Variants in LARGE1 observed in about 807,000 individuals in gnomAD.
The protein encoded by LARGE1 is xylosyl- and glucuronyltransferase LARGE1.
In LARGE1, 43 loss-of-function variants were observed where a neutral mutation model predicts 87.6. The observed-to-expected ratio is 0.49, with a 90% CI of 0.38 to 0.63. The LOEUF (loss-of-function observed/expected upper bound fraction) is 0.63. LARGE1 is among the 30% of genes least tolerant of loss of function. The pLI is 0.00. For missense variants in LARGE1, 802 were observed against 1,000.2 expected (o/e 0.80, Z 2.67); for synonymous variants, 434 against 394.6 (o/e 1.10, Z -1.18).
chr22:33,689,926 CA>C (rs373846525), intron 2 of LARGE1, among the ~76,000 whole-genome samples: 10,991 of 137,900 alleles, frequency 0.08, 520 homozygotes, highest in Middle Eastern at 0.12. Flanking sequence ...GACTCTGTCT[CA>C]AAAAAAAAAA....
intron 6 of LARGE1, among the ~76,000 whole-genome samples, chr22:33,507,367 A>G (rs919431122): frequency 6.6e-6 from 1 of 152,182 alleles, no homozygotes; most frequent in East Asian, 1.9e-4. Flanking sequence ...TGCCCAGGAG[A>G]AGGAAATTCT....
the LARGE1 span, among the ~76,000 whole-genome samples, chr22:33,141,169 ATCTCTCTCTC>A: frequency 6.5e-3 from 936 of 143,974 alleles, 14 homozygotes; most frequent in African/African-American, 0.022. Context: ...TATTCTCAGA[ATCTCTCTCTC>A]TCTCTCTCTC....
intron 2 of LARGE1, among the ~76,000 whole-genome samples, chr22:33,712,218 G>T (rs1231040983): frequency 6.6e-6 from 1 of 150,552 alleles, no homozygotes; most frequent in East Asian, 1.9e-4. Flanking sequence ...GGGGATGGGG[G>T]AAAAAAAAAG....
At chr22:33,731,263 A>G (rs1313183321) in intron 2 of LARGE1, among the ~76,000 whole-genome samples, 1 of 151,978 alleles carries the variant, frequency 6.6e-6, no homozygotes, top group Non-Finnish European at 1.5e-5. Context: ...TCAGCCTCCC[A>G]AAGTGCTCGG....
chr22:33,604,576 A>T lies in LARGE1; in HGVS notation c.492-18T>A. The stretch of plus-strand genomic sequence containing the variant: ...GGTTCCGTCTGTGGGGAGTGTGAGA[A>T]GGAAGGGTCAGGTGGAGAGGTACGG... On this transcript the variant is annotated intron_variant, in intron 4 of 14. Transcript: ENST00000397394. 6.2e-7 allele frequency: 1 copy of T among 1,613,996 alleles called. No individual in the cohort carries two copies. Among genetic ancestry groups the T allele is most frequent in the Non-Finnish European group, 8.5e-7 (1 of 1,179,906 alleles).
At chr22:33,347,235 G>T (rs181149715) in intron 9 of LARGE1, among the ~76,000 whole-genome samples, 2 of 152,332 alleles carry the variant, frequency 1.3e-5, no homozygotes, top group East Asian at 3.9e-4. Flanking sequence ...CTCTATTAGA[G>T]AACTCATTGC....
At chr22:33,153,504 C>T in the LARGE1 span, among the ~76,000 whole-genome samples, 1 of 152,070 alleles carries the variant, frequency 6.6e-6, no homozygotes, top group Admixed American at 6.5e-5. Flanking sequence ...GAATTGTATC[C>T]ATCATTTCAA....
At position 33,773,659 on chromosome 22, in the gene LARGE1, A is replaced by T. The variant is rs2085141196; in HGVS notation, c.-82-12101T>A. On this transcript the variant is annotated intron_variant, in intron 1 of 14. Transcript: ENST00000397394. ...CTCACAGCATTTACAAAGCTCTGGG[A>T]GTCAGGAAACCTGGCCTCAAGCATC... 2.6e-5 allele frequency among the ~76,000 whole-genome samples: 4 copies of T among 152,216 alleles called. No individual in the cohort carries two copies. The South Asian group carries it at 8.3e-4, about 31-fold the overall frequency.
At chr22:33,591,447 C>G (rs931086304) in intron 5 of LARGE1, among the ~76,000 whole-genome samples, 2 of 152,146 alleles carry the variant, frequency 1.3e-5, no homozygotes, top group African/African-American at 4.8e-5. Context: ...ATTGGCCACT[C>G]CATCTCTCCT....
At chr22:33,239,109 T>TA (rs201155853) in intron 11 of LARGE1, among the ~76,000 whole-genome samples, 143 of 144,808 alleles carry the variant, frequency 9.9e-4, no homozygotes, top group Middle Eastern at 3.7e-3. Flanking sequence ...ATTAGGAATG[T>TA]AAAAAAAAAA....
intron 1 of LARGE1, among the ~76,000 whole-genome samples, chr22:33,877,782 C>A (rs752815477): frequency 6.6e-6 from 1 of 151,718 alleles, no homozygotes; most frequent in African/African-American, 2.4e-5. Flanking sequence ...ATTAGCCGGG[C>A]GTGATGGTGC....
At chr22:33,642,547 A>C (rs1468732786) in intron 3 of LARGE1, among the ~76,000 whole-genome samples, 1 of 151,964 alleles carries the variant, frequency 6.6e-6, no homozygotes, top group Admixed American at 6.6e-5. Flanking sequence ...ATTAACCTTA[A>C]ATGTAAATGG....
rs542456265 is a variant in LARGE1 at position 33,332,245 on chromosome 22, T to C, written c.1287+5401A>G. ...GAATCATGGGGGCAGGTTCCCCCTA[T>C]ACTGGTCTCATGATAGTGAATAAGT... is the stretch of plus-strand genomic sequence containing the variant. On this transcript the variant is annotated intron_variant, in intron 10 of 14. Transcript: ENST00000397394. 5.9e-5 allele frequency among the ~76,000 whole-genome samples: 9 copies of C among 152,274 alleles called. No individual in the cohort carries two copies. In the South Asian group the frequency reaches 1.9e-3, roughly 32 times the overall value.
intron 1 of LARGE1, among the ~76,000 whole-genome samples, chr22:33,917,599 G>T (rs1259677795): frequency 1.3e-5 from 2 of 152,312 alleles, no homozygotes; most frequent in East Asian, 3.9e-4. Context: ...AACACCAAAA[G>T]TGTTGATTAC....
chr22:33,254,037 GA>G (rs1376826036), intron 11 of LARGE1, among the ~76,000 whole-genome samples: 2 of 152,112 alleles, frequency 1.3e-5, no homozygotes, highest in Non-Finnish European at 1.5e-5. Flanking sequence ...AGATGCGTGG[GA>G]ATAAGTGAAA....
At chr22:33,441,504 A>G (rs1214539302) in intron 6 of LARGE1, among the ~76,000 whole-genome samples, 1 of 152,152 alleles carries the variant, frequency 6.6e-6, no homozygotes, top group African/African-American at 2.4e-5. Flanking sequence ...CCCAGACTGG[A>G]ATGCAGTGGC....
intron 6 of LARGE1, among the ~76,000 whole-genome samples, chr22:33,472,527 C>T (rs1302898646): frequency 1.3e-5 from 2 of 151,976 alleles, no homozygotes; most frequent in Non-Finnish European, 2.9e-5. Context: ...TTAGAGGATG[C>T]CATTGGCTAA....
At chr22:33,175,179 T>C (rs1482803475) in intron 11 of LARGE1, among the ~76,000 whole-genome samples, 1 of 151,992 alleles carries the variant, frequency 6.6e-6, no homozygotes, top group African/African-American at 2.4e-5. Context: ...TGGTTCAACA[T>C]CCACAAATCA....
chr22:33,413,514 G>A (rs993087587), intron 7 of LARGE1, among the ~76,000 whole-genome samples: 2 of 151,806 alleles, frequency 1.3e-5, no homozygotes, highest in African/African-American at 4.8e-5. Flanking sequence ...GCCCAGACTG[G>A]AGTGCAGTGG....
Sources: allele counts gnomAD v4.1 joint callset (sites outside exome capture counted in the v4.1 genomes callset), GRCh38; gene constraint gnomAD v4.1.1; transcripts MANE v1.5; gene names NCBI Gene and HGNC (gene_info 2026-07-23, HGNC 2026-07-21).